Variants in PCDH11X observed in about 807,000 individuals in gnomAD.
PCDH11X encodes the protein protocadherin-11 X-linked.
Under a neutral mutation model 53.3 loss-of-function variants are expected in PCDH11X, and 18 were observed. The ratio of observed to expected loss-of-function variants is 0.34; its 90% CI spans 0.23 to 0.50. PCDH11X has a LOEUF of 0.50. PCDH11X is among the 20% of genes least tolerant of loss of function. PCDH11X has a pLI of 0.98. For synonymous variants in PCDH11X, 279 were observed against 393.3 expected (o/e 0.71, Z 3.44); for missense variants, 570 against 1,032.4 (o/e 0.55, Z 6.14).
At chrX:92,147,985 CT>C (rs1203865323) in intron 6 of PCDH11X, among the ~76,000 whole-genome samples, 1 of 76,699 alleles carries the variant, frequency 1.3e-5, no homozygotes, top group African/African-American at 7.0e-5. Context: ...TCCTTCCTTC[CT>C]TTCTTTCTTT....
At chrX:92,136,767 C>T (rs1360102140) in intron 6 of PCDH11X, among the ~76,000 whole-genome samples, 3 of 110,253 alleles carry the variant, frequency 2.7e-5, no homozygotes, top group Non-Finnish European at 3.8e-5. Flanking sequence ...CAGAGTGTGA[C>T]GGGAAACCCT....
intron 4 of PCDH11X, among the ~76,000 whole-genome samples, chrX:91,812,737 A>C (rs1405957041): frequency 9.0e-6 from 1 of 110,697 alleles, no homozygotes; most frequent in East Asian, 2.8e-4. Flanking sequence ...TCTCTTTAAT[A>C]CCTTCATCCT....
At chrX:91,822,510 G>A (rs1230079266) in intron 4 of PCDH11X, among the ~76,000 whole-genome samples, 16 of 110,628 alleles carry the variant, frequency 1.4e-4, no homozygotes, top group East Asian at 5.7e-4. Flanking sequence ...CCTGTGGATC[G>A]GTGGTGATAT....
At chrX:92,274,472 G>A (rs1393667725) in intron 8 of PCDH11X, among the ~76,000 whole-genome samples, 2 of 110,698 alleles carry the variant, frequency 1.8e-5, no homozygotes. Context: ...AAATGACTGC[G>A]GTGGCCTTCT....
intron 8 of PCDH11X, among the ~76,000 whole-genome samples, chrX:92,376,809 A>G (rs1281736525): frequency 8.9e-6 from 1 of 111,845 alleles, no homozygotes; most frequent in Non-Finnish European, 1.9e-5. Context: ...GTTTAATTTA[A>G]CATTCTTTAA....
intron 5 of PCDH11X, among the ~76,000 whole-genome samples, chrX:91,874,395 A>G (rs1214045375): frequency 9.0e-6 from 1 of 111,126 alleles, no homozygotes; most frequent in East Asian, 2.8e-4. Flanking sequence ...TTCTTACTAT[A>G]TAATCAAGGA....
At position 92,034,638 on chromosome X, in the gene PCDH11X, A is replaced by G. The variant is rs181542318; in HGVS notation, c.3033+155365A>G. Among the ~76,000 whole-genome samples the G allele has an allele frequency of 2.7e-5, 3 of 109,933 alleles. No homozygotes were observed. The Admixed American group carries it at 3.0e-4, about 11-fold the overall frequency. On this transcript the variant is annotated intron_variant, in intron 6 of 10. Coordinates refer to ENST00000682573, the MANE Select transcript of PCDH11X (RefSeq NM_032968.5). ...ATTTTCAGTCTGTGTGTACATTTAT[A>G]GATGAACTATGTTTATTGTAATCAA...
At chrX:92,602,363 T>G (rs12860044) in intron 10 of PCDH11X, among the ~76,000 whole-genome samples, 2 of 112,338 alleles carry the variant, frequency 1.8e-5, no homozygotes, top group African/African-American at 6.5e-5. Context: ...GCAGAGACAA[T>G]CAGGAAAAAG....
chrX:92,030,170 C>A (rs751354018), intron 6 of PCDH11X, among the ~76,000 whole-genome samples: 11 of 111,226 alleles, frequency 9.9e-5, no homozygotes, highest in African/African-American at 3.3e-4. Flanking sequence ...ACCTTGCTGG[C>A]CAGGATGGTC....
At chrX:91,914,878 T>C (rs2524605) in intron 6 of PCDH11X, among the ~76,000 whole-genome samples, 1 of 111,364 alleles carries the variant, frequency 9.0e-6, no homozygotes, top group Non-Finnish European at 1.9e-5. Context: ...GACATCCAAA[T>C]ACAAGAAGCT....
chrX:91,998,645 A>G (rs1050972119), intron 6 of PCDH11X, among the ~76,000 whole-genome samples: 1 of 110,937 alleles, frequency 9.0e-6, no homozygotes, highest in Non-Finnish European at 1.9e-5. Flanking sequence ...TAGTCCATCC[A>G]GACTAACCAT....
At chrX:92,313,437 A>G (rs180968162) in intron 8 of PCDH11X, among the ~76,000 whole-genome samples, 4 of 111,385 alleles carry the variant, frequency 3.6e-5, no homozygotes, top group Admixed American at 9.6e-5. Flanking sequence ...TTCACATTAA[A>G]GAAAAGATAC....
chrX:91,813,801 TA>T (rs931436204), intron 4 of PCDH11X, among the ~76,000 whole-genome samples: 6 of 109,768 alleles, frequency 5.5e-5, no homozygotes, highest in Non-Finnish European at 1.1e-4. Flanking sequence ...TGCTTTGTTT[TA>T]AAAAAACCCT....
chrX:92,130,961 T>TA (rs1179252948), intron 6 of PCDH11X, among the ~76,000 whole-genome samples: 57 of 103,761 alleles, frequency 5.5e-4, no homozygotes, highest in South Asian at 8.4e-4. Flanking sequence ...TGGAAATATG[T>TA]AAAAAAAAAA....
At chrX:92,460,240 A>C (rs1428495075) in intron 9 of PCDH11X, 3 of 881,148 alleles carry the variant, frequency 3.4e-6, no homozygotes, top group Non-Finnish European at 3.3e-6. Flanking sequence ...TGATGACACC[A>C]ATGTCACTTG....
At chrX:91,830,306 A>C (rs763466907) in intron 4 of PCDH11X, among the ~76,000 whole-genome samples, 19 of 111,989 alleles carry the variant, frequency 1.7e-4, no homozygotes, top group Middle Eastern at 4.6e-3. Context: ...AGAGAAGTTT[A>C]GACCCAAATG....
At chrX:91,970,749 C>A (rs1247613306) in intron 6 of PCDH11X, among the ~76,000 whole-genome samples, 1 of 111,592 alleles carries the variant, frequency 9.0e-6, no homozygotes, top group Non-Finnish European at 1.9e-5. Flanking sequence ...ACATCAGGTG[C>A]AATAAAAAAT....
chrX:92,125,024 A>T (rs1218200725), intron 6 of PCDH11X, among the ~76,000 whole-genome samples: 6 of 111,952 alleles, frequency 5.4e-5, no homozygotes, highest in Admixed American at 2.9e-4. Context: ...TTTTATGTAC[A>T]TACTGTTTCA....
intron 9 of PCDH11X, among the ~76,000 whole-genome samples, chrX:92,410,318 G>GT (rs1329358111): frequency 9.5e-6 from 1 of 105,389 alleles, no homozygotes; most frequent in Non-Finnish European, 1.9e-5. Context: ...TGGAGATAGA[G>GT]TGAATCACCT....
Sources: allele counts gnomAD v4.1 joint callset (sites outside exome capture counted in the v4.1 genomes callset), GRCh38; gene constraint gnomAD v4.1.1; transcripts MANE v1.5; gene names NCBI Gene and HGNC (gene_info 2026-07-23, HGNC 2026-07-21).